Variants in BIRC6 observed in about 807,000 individuals in gnomAD.
BIRC6 encodes the protein dual E2 ubiquitin-conjugating enzyme/E3 ubiquitin-protein ligase BIRC6.
In BIRC6, 98 loss-of-function variants were observed where a neutral mutation model predicts 503.3. The observed-to-expected ratio is 0.19, with a 90% CI of 0.17 to 0.23. BIRC6 has a LOEUF of 0.23. Ranked by LOEUF, BIRC6 falls within the 10% of genes least tolerant of loss-of-function variation. The pLI is 1.00. For synonymous variants in BIRC6, 2,240 were observed against 2,078.7 expected (o/e 1.08, Z -2.11); for missense variants, 5,360 against 5,806.0 (o/e 0.92, Z 2.50).
intron 73 of BIRC6, among the ~76,000 whole-genome samples, chr2:32,616,325 A>G (rs1038624507): frequency 1.1e-4 from 16 of 152,088 alleles, no homozygotes; most frequent in Non-Finnish European, 1.9e-4. Context: ...TGGGAGTCCA[A>G]GGCAGGTGGA....
chr2:32,478,815 G>A lies in BIRC6; in HGVS notation c.7249G>A (p.Ala2417Thr). 4 of 1,612,100 alleles carry A rather than the reference G, an allele frequency of 2.5e-6. No homozygotes were observed. Among genetic ancestry groups the A allele is most frequent in the African/African-American group, 1.3e-5 (1 of 74,938 alleles). Reference protein sequence around the residue: ...SLTCMLQDILAGELLAPVAAE... With the variant: ...SLTCMLQDILTGELLAPVAAE... ...AACTTGCATGCTACAAGATATTTTAGCAGGTGTGTTAGGATTTTTCTTCAT... is the reference window on the plus strand; with the variant it reads ...AACTTGCATGCTACAAGATATTTTAACAGGTGTGTTAGGATTTTTCTTCAT... The change falls in exon 36 of 74, where the codon GCA (alanine) becomes ACA (threonine). Residue 2417 changes from alanine (A) to threonine (T), a missense_variant. Around this residue, in one of 16 missense-constraint regions of BIRC6, gnomAD observed 2,299 missense variants for 2,267.2 expected, o/e 1.01. Coordinates refer to ENST00000421745, the MANE Select transcript of BIRC6 (RefSeq NM_016252.4).
At chr2:32,561,969 G>C (rs554319825) in intron 65 of BIRC6, among the ~76,000 whole-genome samples, 1 of 151,900 alleles carries the variant, frequency 6.6e-6, no homozygotes, top group Non-Finnish European at 1.5e-5. Flanking sequence ...TTGAACCCGG[G>C]AGGTGAAGGT....
intron 17 of BIRC6, 87 bp downstream of exon 17, chr2:32,441,549 C>A: frequency 7.8e-7 from 1 of 1,286,706 alleles, no homozygotes; most frequent in Admixed American, 2.6e-5. Flanking sequence ...AATAAAAAAT[C>A]TTTTACCTGA....
At position 32,467,343 on chromosome 2, in the gene BIRC6, C is replaced by T. The variant is rs570377285; in HGVS notation, c.5357-182C>T. 5.1e-4 allele frequency among the ~76,000 whole-genome samples: 77 copies of T among 152,272 alleles called. 1 individual carries two copies. Among genetic ancestry groups the T allele is most frequent in the African/African-American group, 1.8e-3 (74 of 41,534 alleles). ...TCTTGGGGTTCAAAACTAACACAGA[C>T]TGGGATTTCAGAAAATTTTTGAATC... On this transcript the variant is annotated intron_variant, in intron 26 of 73. Transcript: ENST00000421745.
chr2:32,536,917 T>TGA (rs571478587), intron 61 of BIRC6, among the ~76,000 whole-genome samples: 154 of 152,316 alleles, frequency 1.0e-3, no homozygotes, highest in Middle Eastern at 3.4e-3. Context: ...TCCATTTGTT[T>TGA]GTATCCTCTT....
At chr2:32,392,507 C>T (rs773271335) in intron 5 of BIRC6, among the ~76,000 whole-genome samples, 6 of 152,074 alleles carry the variant, frequency 3.9e-5, no homozygotes, top group South Asian at 2.1e-4. Context: ...CTGCCTGCCT[C>T]GGCCTCCCAA....
At chr2:32,532,108 G>A (rs1374265377) in intron 61 of BIRC6, 2 of 508,732 alleles carry the variant, frequency 3.9e-6, no homozygotes, top group South Asian at 1.4e-5. Context: ...AATGAAGTAG[G>A]GGAATTATTC....
intron 51 of BIRC6, among the ~76,000 whole-genome samples, chr2:32,509,233 A>G (rs2054134108): frequency 6.6e-6 from 1 of 152,152 alleles, no homozygotes; most frequent in African/African-American, 2.4e-5. Context: ...TGCTATGAAT[A>G]CAAGTACTTT....
At position 32,415,189 on chromosome 2, in the gene BIRC6, A is replaced by G; in HGVS notation, c.1898A>G (p.Tyr633Cys). ...VRRTLPVLLLYSIKESDEKAG... is the reference protein window; with the variant it reads ...VRRTLPVLLLCSIKESDEKAG... Reference sequence around the variant, plus strand: ...AGGACTTTACCGGTTTTGCTTCTTTATAGCATCAAGGAATCTGATGAGAAA... The same window carrying G: ...AGGACTTTACCGGTTTTGCTTCTTTGTAGCATCAAGGAATCTGATGAGAAA... The change falls in exon 10 of 74, where the codon TAT becomes TGT. Residue 633 changes from tyrosine (Y) to cysteine (C), a missense_variant. Transcript: ENST00000421745. The G allele has an allele frequency of 6.2e-7, 1 of 1,614,018 alleles. No individual in the cohort carries two copies. Among genetic ancestry groups the G allele is most frequent in the Non-Finnish European group, 8.5e-7 (1 of 1,179,890 alleles).
chr2:32,476,246 T>G lies in BIRC6; in HGVS notation c.6754T>G (p.Leu2252Val), dbSNP rs61754134. 1.9e-6 allele frequency: 3 copies of G among 1,552,186 alleles called. No homozygotes were observed. The highest frequency in any genetic ancestry group is 2.0e-5 in the Admixed American group (1 of 51,074). Reference protein sequence around the residue: ...LNLLKAKQKALVEQMEKEKIQ... With the variant: ...LNLLKAKQKAVVEQMEKEKIQ... ...CCTACTAAAAGCAAAGCAGAAGGCA[T>G]TGGTAGAACAGATGGAAAAAGAAAA... The change falls in exon 34 of 74, where the codon TTG becomes GTG. Residue 2252 changes from leucine (L) to valine (V), a missense_variant. By Grantham distance (32) the Leu-to-Val change is conservative (BLOSUM62 1). This residue lies in a region of BIRC6 where 2,299 missense variants were observed against 2,267.2 expected (regional missense o/e 1.01). Transcript: ENST00000421745.
chr2:32,548,498 T>C (rs1402244652), intron 64 of BIRC6, among the ~76,000 whole-genome samples: 2 of 151,782 alleles, frequency 1.3e-5, no homozygotes, highest in African/African-American at 4.8e-5. Context: ...AAATAACTTT[T>C]CAGCCGGGCG....
At chr2:32,370,028 A>G (rs1365332322) in intron 1 of BIRC6, among the ~76,000 whole-genome samples, 1 of 141,544 alleles carries the variant, frequency 7.1e-6, no homozygotes, top group African/African-American at 2.6e-5. Context: ...ATATGTATGT[A>G]TATATATGTA....
chr2:32,467,382 A>G, intron 26 of BIRC6, 143 bp from the exon 27 acceptor site: 1 of 708,214 alleles, frequency 1.4e-6, no homozygotes, highest in Non-Finnish European at 2.3e-6. Flanking sequence ...TGACAAGGCC[A>G]TTTTTACATA....
chr2:32,573,675 T>C (rs1274736391), intron 65 of BIRC6, among the ~76,000 whole-genome samples: 1 of 152,226 alleles, frequency 6.6e-6, no homozygotes, highest in African/African-American at 2.4e-5. Context: ...CACTCTTAGA[T>C]ACAAATAATT....
intron 61 of BIRC6, among the ~76,000 whole-genome samples, chr2:32,536,758 C>G (rs1418678479): frequency 2.0e-5 from 3 of 152,074 alleles, no homozygotes; most frequent in African/African-American, 4.8e-5. Context: ...CAGCTTTGTT[C>G]TTTTGACTTA....
rs2046980314 is a variant in BIRC6, at chr2:32,454,016, CATT to C, written c.4753+78_4753+80del. 13 of 1,197,904 alleles carry C rather than the reference CATT, an allele frequency of 1.1e-5. No individual in the cohort carries two copies. The South Asian group carries it at 2.4e-4, about 22-fold the overall frequency. 74.2% of individuals were successfully genotyped at this position (1,197,904 alleles called of 1,614,324 possible). On this transcript the variant is annotated intron_variant, in intron 23 of 73. Transcript: ENST00000421745. ...ATAAAGTGATATTTATATATTTAAA[CATT>C]ATTTCTAATTATGTAATTTTCATTG...
chr2:32,526,162 T>C (rs1037865620), intron 59 of BIRC6, among the ~76,000 whole-genome samples: 1 of 152,222 alleles, frequency 6.6e-6, no homozygotes, highest in Admixed American at 6.5e-5. Flanking sequence ...CGACCTCATA[T>C]GACGGTTACA....
intron 70 of BIRC6, 27 bp downstream of exon 70, chr2:32,599,927 A>G (rs750026314): frequency 6.3e-7 from 1 of 1,599,222 alleles, no homozygotes; most frequent in South Asian, 1.1e-5. Flanking sequence ...TTTTTGTTTC[A>G]AATGCCAATG....
At chr2:32,578,122 C>T (rs1266981461) in intron 66 of BIRC6, among the ~76,000 whole-genome samples, 13 of 152,046 alleles carry the variant, frequency 8.6e-5, no homozygotes, top group African/African-American at 3.1e-4. Context: ...AAGACGGCAC[C>T]GGTAAAGACT....
Sources: allele counts gnomAD v4.1 joint callset (sites outside exome capture counted in the v4.1 genomes callset), GRCh38; gene constraint gnomAD v4.1.1; regional missense constraint gnomAD v4.1.1; transcripts MANE v1.5; gene names NCBI Gene and HGNC (gene_info 2026-07-23, HGNC 2026-07-21).